Variants in PRKCQ observed in about 807,000 individuals in gnomAD.
PRKCQ encodes the protein protein kinase C theta.
PRKCQ carries 41 observed loss-of-function variants against 91.2 expected under a neutral mutation model. The ratio of observed to expected loss-of-function variants is 0.45; its 90% CI spans 0.35 to 0.58. The LOEUF (loss-of-function observed/expected upper bound fraction) is 0.58. Among genes scored for constraint, PRKCQ ranks in the 20% least tolerant of loss-of-function variants. The pLI is 0.00. For missense variants in PRKCQ, 673 were observed against 896.5 expected, an observed-to-expected ratio of 0.75 and a Z score of 3.18; for synonymous variants, 307 against 316.9, an observed-to-expected ratio of 0.97 and a Z score of 0.33.
chr10:6,493,319 TTGAAA>T (rs1246891899), intron 7 of PRKCQ, among the ~76,000 whole-genome samples: 20 of 152,358 alleles, frequency 1.3e-4, no homozygotes, highest in African/African-American at 4.1e-4. Flanking sequence ...CGATTTTTTG[TTGAAA>T]TGATATTTGA....
intron 8 of PRKCQ, among the ~76,000 whole-genome samples, chr10:6,488,247 A>G (rs1234443795): frequency 6.6e-6 from 1 of 152,224 alleles, no homozygotes; most frequent in Non-Finnish European, 1.5e-5. Flanking sequence ...TTTCATCTTC[A>G]TCATTTATTG....
the PRKCQ span, among the ~76,000 whole-genome samples, chr10:6,404,688 CCTTT>C: frequency 8.8e-3 from 1,254 of 142,808 alleles, 14 homozygotes; most frequent in African/African-American, 0.031. Context: ...TTTCTTCCTT[CCTTT>C]CTTTCCTTTT....
At chr10:6,527,497 C>G (rs766958649) in intron 1 of PRKCQ, among the ~76,000 whole-genome samples, 2 of 152,154 alleles carry the variant, frequency 1.3e-5, no homozygotes, top group Non-Finnish European at 2.9e-5. Context: ...ATCCCTCTAA[C>G]CTATCCTCAC....
chr10:6,485,316 T>C, intron 9 of PRKCQ, 47 bp from the exon 10 acceptor site: 1 of 1,448,604 alleles, frequency 6.9e-7, no homozygotes, highest in South Asian at 1.1e-5. Flanking sequence ...CCACCATTGA[T>C]GGAACAGCTC....
chr10:6,469,862 T>A (rs960725439), intron 12 of PRKCQ, among the ~76,000 whole-genome samples: 2 of 152,160 alleles, frequency 1.3e-5, no homozygotes, highest in Admixed American at 6.5e-5. Context: ...AAAAATGAGT[T>A]CTCAAGCCAC....
intron 14 of PRKCQ, among the ~76,000 whole-genome samples, chr10:6,458,289 G>T (rs1413107272): frequency 6.6e-6 from 1 of 152,160 alleles, no homozygotes; most frequent in African/African-American, 2.4e-5. Context: ...GCCATGTGAA[G>T]CCAGCCCCCC....
intron 1 of PRKCQ, among the ~76,000 whole-genome samples, chr10:6,561,879 G>A (rs928081192): frequency 6.6e-6 from 1 of 152,204 alleles, no homozygotes; most frequent in Non-Finnish European, 1.5e-5. Flanking sequence ...AACACAGCAT[G>A]AAAGAGTTGA....
At chr10:6,563,011 T>C (rs1840691817) in intron 1 of PRKCQ, among the ~76,000 whole-genome samples, 1 of 152,104 alleles carries the variant, frequency 6.6e-6, no homozygotes, top group African/African-American at 2.4e-5. Context: ...GAAAAAAGGC[T>C]ATGGATTCTT....
the PRKCQ span, among the ~76,000 whole-genome samples, chr10:6,400,028 C>A: frequency 6.6e-6 from 1 of 152,162 alleles, no homozygotes; most frequent in African/African-American, 2.4e-5. Flanking sequence ...GAACATGCTG[C>A]ACGGTTTGAC....
rs576827639 is a variant in PRKCQ, at chr10:6,450,354, G to T, written c.1647+6320C>A. On this transcript the variant is annotated intron_variant, in intron 15 of 17. Transcript: ENST00000263125. ...GACAAGGCCATTACATAATGGTAAA[G>T]GGATCAATTCAACAAGAAGAGCTAA... Among the ~76,000 whole-genome samples, 312 of 127,680 alleles carry T rather than the reference G, an allele frequency of 2.4e-3. 2 individuals are homozygous for T. Among genetic ancestry groups the T allele is most frequent in the African/African-American group, 9.4e-3 (300 of 31,868 alleles). The allele number at this position is 127,680 out of a possible 152,430, so 83.8% of individuals were successfully genotyped here. A position where few individuals can be genotyped will look rare whatever the true frequency, so the allele number is the denominator to read the frequency against.
intron 1 of PRKCQ, among the ~76,000 whole-genome samples, chr10:6,571,582 G>A (rs575847529): frequency 6.6e-6 from 1 of 152,272 alleles, no homozygotes; most frequent in Non-Finnish European, 1.5e-5. Flanking sequence ...AAGGCAGGAG[G>A]ATCACTTGAG....
chr10:6,477,699 C>T (rs558040422), intron 12 of PRKCQ, among the ~76,000 whole-genome samples: 5 of 152,258 alleles, frequency 3.3e-5, no homozygotes, highest in Admixed American at 3.3e-4. Flanking sequence ...GAAACCCTGT[C>T]TCTACTAAAA....
At chr10:6,570,984 G>A (rs1841022699) in intron 1 of PRKCQ, among the ~76,000 whole-genome samples, 1 of 152,168 alleles carries the variant, frequency 6.6e-6, no homozygotes, top group Admixed American at 6.5e-5. Context: ...TACTTTCTCA[G>A]GGAAGCAGGA....
intron 15 of PRKCQ, among the ~76,000 whole-genome samples, chr10:6,450,708 G>C (rs1259914686): frequency 6.6e-6 from 1 of 152,114 alleles, no homozygotes; most frequent in Non-Finnish European, 1.5e-5. Context: ...TAAAAGAACA[G>C]AAATTATAAC....
At chr10:6,566,395 A>G (rs535916395) in intron 1 of PRKCQ, among the ~76,000 whole-genome samples, 1 of 152,284 alleles carries the variant, frequency 6.6e-6, no homozygotes, top group African/African-American at 2.4e-5. Context: ...GTCCAGGTGA[A>G]ATCCTGGTCT....
chr10:6,532,528 C>T (rs1353206760), intron 1 of PRKCQ, among the ~76,000 whole-genome samples: 1 of 151,942 alleles, frequency 6.6e-6, no homozygotes, highest in Admixed American at 6.6e-5. Flanking sequence ...CCCGAATGCA[C>T]CCAATCTTGA....
At chr10:6,521,667 GA>G (rs1839007295) in intron 1 of PRKCQ, among the ~76,000 whole-genome samples, 1 of 152,202 alleles carries the variant, frequency 6.6e-6, no homozygotes, top group African/African-American at 2.4e-5. Flanking sequence ...GAGGAAAGTA[GA>G]AATAGTCTTT....
At chr10:6,492,955 C>T (rs1837404047) in intron 7 of PRKCQ, among the ~76,000 whole-genome samples, 2 of 151,892 alleles carry the variant, frequency 1.3e-5, no homozygotes, top group South Asian at 2.1e-4. Flanking sequence ...TGTGTAGAAT[C>T]GATTAAAAAT....
rs994291463 is a variant in PRKCQ, at chr10:6,515,802, T to A, written c.-9-658A>T. Among the ~76,000 whole-genome samples the A allele has an allele frequency of 4.6e-5, 7 of 152,238 alleles. No individual in the cohort carries two copies. In the East Asian group the frequency reaches 1.3e-3, roughly 29 times the overall value. On this transcript the variant is annotated intron_variant, in intron 1 of 17. Transcript: ENST00000263125. ...TCTCATATAAGGATGAACAAAATACTTCATAAAAGCCCAAAAATCAGTAAT... is the reference window on the plus strand; with the variant it reads ...TCTCATATAAGGATGAACAAAATACATCATAAAAGCCCAAAAATCAGTAAT...
Sources: allele counts gnomAD v4.1 joint callset (sites outside exome capture counted in the v4.1 genomes callset), GRCh38; gene constraint gnomAD v4.1.1; transcripts MANE v1.5; gene names NCBI Gene and HGNC (gene_info 2026-07-23, HGNC 2026-07-21).